LRRIQ3: variants seen among roughly 807,000 people sequenced by gnomAD.
LRRIQ3 encodes leucine-rich repeat and IQ domain-containing protein 3.
A neutral mutation model predicts 59.3 loss-of-function variants in LRRIQ3; 75 were observed. That is an observed-to-expected ratio of 1.26 (90% CI 1.05 to 1.53). The LOEUF (loss-of-function observed/expected upper bound fraction) is 1.53, where lower values mean the gene tolerates loss of function less well. Ranked by LOEUF, LRRIQ3 falls within the 40% of genes most tolerant of loss-of-function variation. The pLI, the probability that LRRIQ3 is intolerant of heterozygous loss-of-function variation, is 0.00. For synonymous variants in LRRIQ3, 250 were observed against 231.3 expected, an observed-to-expected ratio of 1.08 and a Z score of -0.73; for missense variants, 831 against 710.0, an observed-to-expected ratio of 1.17 and a Z score of -1.94.
intron 3 of LRRIQ3, among the ~76,000 whole-genome samples, chr1:74,167,980 T>C (rs993721159): frequency 6.6e-6 from 1 of 152,048 alleles, no homozygotes; most frequent in Non-Finnish European, 1.5e-5. Context: ...GTTTTAGGGA[T>C]AGTTGCTGAT....
At position 74,026,668 on chromosome 1, in the gene LRRIQ3, T is replaced by A; in HGVS notation, c.*145A>T. 1 of 645,614 alleles carries A rather than the reference T, an allele frequency of 1.5e-6. No homozygotes were observed. The highest frequency in any genetic ancestry group is 2.4e-6 in the Non-Finnish European group (1 of 414,170). 40.0% of individuals were successfully genotyped at this position (645,614 alleles called of 1,614,324 possible). A position where few individuals can be genotyped will look rare whatever the true frequency, so the allele number is the denominator to read the frequency against. On this transcript the variant is annotated 3_prime_UTR_variant, in exon 8 of 8. Transcript: ENST00000354431. ...TGACCAATAAGAGAAACATTTTAAC[T>A]AATCTTTATATTTTTAGAAGACTTA...
chr1:74,099,104 A>T (rs1166138328), intron 5 of LRRIQ3, among the ~76,000 whole-genome samples: 1 of 152,138 alleles, frequency 6.6e-6, no homozygotes, highest in Admixed American at 6.6e-5. Flanking sequence ...TCAAAAAATC[A>T]ATGAATTCAG....
At chr1:74,091,199 T>C (rs971720298) in intron 5 of LRRIQ3, among the ~76,000 whole-genome samples, 10 of 152,072 alleles carry the variant, frequency 6.6e-5, no homozygotes, top group Non-Finnish European at 1.5e-4. Context: ...AAACATGGAA[T>C]AAAACAGGCT....
chr1:74,073,143 C>T (rs1315099206), intron 6 of LRRIQ3, among the ~76,000 whole-genome samples: 4 of 152,162 alleles, frequency 2.6e-5, no homozygotes, highest in East Asian at 3.8e-4. Flanking sequence ...TCTGCTCCTT[C>T]GCTGAATTTG....
intron 1 of LRRIQ3, among the ~76,000 whole-genome samples, chr1:74,193,721 T>A (rs528497885): frequency 6.6e-6 from 1 of 152,172 alleles, no homozygotes; most frequent in East Asian, 1.9e-4. Context: ...TTTTAAGTAA[T>A]ATATTAAAAT....
chr1:74,057,212 T>G (rs1259816145), intron 6 of LRRIQ3, among the ~76,000 whole-genome samples: 3 of 152,014 alleles, frequency 2.0e-5, no homozygotes, highest in Non-Finnish European at 4.4e-5. Context: ...TTCACAGAAA[T>G]AGAAAAAAAT....
intron 5 of LRRIQ3, among the ~76,000 whole-genome samples, chr1:74,084,838 T>C (rs1342695745): frequency 1.3e-5 from 2 of 151,922 alleles, no homozygotes; most frequent in African/African-American, 4.8e-5. Context: ...CTATGTGATT[T>C]ATTTTTGGTC....
intron 5 of LRRIQ3, among the ~76,000 whole-genome samples, chr1:74,094,783 C>T (rs1465953287): frequency 5.9e-5 from 9 of 152,182 alleles, no homozygotes. Context: ...CTGCCACAAC[C>T]AGAAATGATG....
At chr1:74,106,427 A>C (rs1646613745) in intron 5 of LRRIQ3, among the ~76,000 whole-genome samples, 1 of 151,950 alleles carries the variant, frequency 6.6e-6, no homozygotes, top group South Asian at 2.1e-4. Context: ...ATATTTTGGG[A>C]AATGCCCCCA....
chr1:74,108,300 G>A (rs1341700546), intron 5 of LRRIQ3, among the ~76,000 whole-genome samples: 2 of 151,622 alleles, frequency 1.3e-5, no homozygotes, highest in East Asian at 3.9e-4. Context: ...CTACACAGAG[G>A]GTCAAAACAT....
At chr1:74,176,931 G>A (rs1178891166) in intron 3 of LRRIQ3, among the ~76,000 whole-genome samples, 1 of 152,102 alleles carries the variant, frequency 6.6e-6, no homozygotes, top group African/African-American at 2.4e-5. Context: ...TCTCAAAAAG[G>A]TAGAGGTCTA....
intron 5 of LRRIQ3, among the ~76,000 whole-genome samples, chr1:74,099,706 C>T (rs1033591654): frequency 2.6e-5 from 4 of 152,172 alleles, no homozygotes; most frequent in African/African-American, 9.7e-5. Flanking sequence ...AGCTTATCCA[C>T]CATGAACAAG....
At chr1:74,101,425 A>T (rs1646531357) in intron 5 of LRRIQ3, among the ~76,000 whole-genome samples, 1 of 152,160 alleles carries the variant, frequency 6.6e-6, no homozygotes, top group Non-Finnish European at 1.5e-5. Context: ...GCCAGAGAGG[A>T]TGTGGAGAAA....
At chr1:74,115,570 A>G (rs1191364723) in intron 4 of LRRIQ3, among the ~76,000 whole-genome samples, 1 of 152,156 alleles carries the variant, frequency 6.6e-6, no homozygotes, top group East Asian at 1.9e-4. Flanking sequence ...TTTGCCTTCA[A>G]TAAGTAAGTG....
intron 3 of LRRIQ3, among the ~76,000 whole-genome samples, chr1:74,164,003 T>C (rs961385045): frequency 1.3e-5 from 2 of 151,526 alleles, no homozygotes; most frequent in East Asian, 3.9e-4. Flanking sequence ...TGATATTGAA[T>C]ATTTTTTCAC....
At chr1:74,076,074 C>T (rs990534586) in intron 5 of LRRIQ3, among the ~76,000 whole-genome samples, 10 of 151,934 alleles carry the variant, frequency 6.6e-5, no homozygotes, top group African/African-American at 2.4e-4. Flanking sequence ...AATTTGGGCC[C>T]GTTACCATGA....
intron 5 of LRRIQ3, among the ~76,000 whole-genome samples, chr1:74,084,549 G>A (rs1053634619): frequency 2.0e-5 from 3 of 151,658 alleles, no homozygotes; most frequent in African/African-American, 7.3e-5. Context: ...ATATTTAGCA[G>A]TTGAGAATAT....
chr1:74,058,050 T>A (rs377459463), intron 6 of LRRIQ3, among the ~76,000 whole-genome samples: 13 of 151,710 alleles, frequency 8.6e-5, no homozygotes, highest in African/African-American at 3.2e-4. Flanking sequence ...ATGGCTATTA[T>A]CAAAAAAACA....
chr1:74,036,811 A>G (rs563851507), intron 7 of LRRIQ3, among the ~76,000 whole-genome samples: 44 of 152,298 alleles, frequency 2.9e-4, no homozygotes, highest in Admixed American at 7.2e-4. Flanking sequence ...TAGAAGCACC[A>G]ATGATCACAG....
Sources: allele counts gnomAD v4.1 joint callset (sites outside exome capture counted in the v4.1 genomes callset), GRCh38; gene constraint gnomAD v4.1.1; transcripts MANE v1.5; gene names NCBI Gene and HGNC (gene_info 2026-07-23, HGNC 2026-07-21).